Variants in CSNK2A2IP observed in about 807,000 individuals in gnomAD.
The protein encoded by CSNK2A2IP is casein kinase II subunit alpha'-interacting protein.
chr3:88,369,298 A>T, the CSNK2A2IP span, among the ~76,000 whole-genome samples: 205 of 151,998 alleles, frequency 1.3e-3, 1 homozygote, highest in African/African-American at 4.6e-3. Context: ...GGAAAAATAA[A>T]TTTTTGGATT....
chr3:88,364,621 T>C, the CSNK2A2IP span, among the ~76,000 whole-genome samples: 1 of 152,082 alleles, frequency 6.6e-6, no homozygotes, highest in Non-Finnish European at 1.5e-5. Flanking sequence ...TTAGAGATAT[T>C]GTTGATTGAT....
At chr3:88,416,093 A>C in the CSNK2A2IP span, among the ~76,000 whole-genome samples, 1 of 151,774 alleles carries the variant, frequency 6.6e-6, no homozygotes, top group Non-Finnish European at 1.5e-5. Flanking sequence ...CAACATGGTG[A>C]AATCCCGTCT....
chr3:88,449,854 CAT>C, the CSNK2A2IP span, among the ~76,000 whole-genome samples: 221 of 84,332 alleles, frequency 2.6e-3, 5 homozygotes, highest in East Asian at 0.015. Flanking sequence ...CACACACACA[CAT>C]ATATATATAT....
the CSNK2A2IP span, among the ~76,000 whole-genome samples, chr3:88,424,091 G>A: frequency 6.6e-6 from 1 of 152,046 alleles, no homozygotes. Flanking sequence ...GATATTCAGG[G>A]AATCTCAACT....
At chr3:88,428,486 C>G in the CSNK2A2IP span, among the ~76,000 whole-genome samples, 1 of 152,086 alleles carries the variant, frequency 6.6e-6, no homozygotes, top group Non-Finnish European at 1.5e-5. Flanking sequence ...TGTGTCCCCA[C>G]CCAGATCTTA....
chr3:88,419,967 C>A, the CSNK2A2IP span, among the ~76,000 whole-genome samples: 12 of 152,116 alleles, frequency 7.9e-5, no homozygotes, highest in African/African-American at 2.7e-4. Context: ...AGGAAAAAAA[C>A]CAATACATTC....
At chr3:88,450,806 T>C in the CSNK2A2IP span, among the ~76,000 whole-genome samples, 1 of 152,174 alleles carries the variant, frequency 6.6e-6, no homozygotes, top group Admixed American at 6.6e-5. Flanking sequence ...AATGCTGCAA[T>C]GAACATAAGC....
chr3:88,349,261 G>A, the CSNK2A2IP span, among the ~76,000 whole-genome samples: 1 of 151,860 alleles, frequency 6.6e-6, no homozygotes, highest in Non-Finnish European at 1.5e-5. Context: ...TACTCAATAT[G>A]TTGTCTTTTG....
chr3:88,366,583 A>G, the CSNK2A2IP span, among the ~76,000 whole-genome samples: 1 of 152,136 alleles, frequency 6.6e-6, no homozygotes, highest in Non-Finnish European at 1.5e-5. Context: ...CAGAGAATGG[A>G]TACATATAGG....
the CSNK2A2IP span, among the ~76,000 whole-genome samples, chr3:88,388,408 T>A: frequency 3.3e-5 from 5 of 152,216 alleles, no homozygotes; most frequent in Non-Finnish European, 4.4e-5. Flanking sequence ...AGCTTCAATA[T>A]ATAAAAGCTT....
chr3:88,345,017 G>C, the CSNK2A2IP span, among the ~76,000 whole-genome samples: 6 of 152,088 alleles, frequency 3.9e-5, no homozygotes, highest in East Asian at 9.6e-4. Flanking sequence ...CATTTCCTCT[G>C]ATTAATTATA....
the CSNK2A2IP span, among the ~76,000 whole-genome samples, chr3:88,440,389 A>G: frequency 1.3e-5 from 2 of 152,270 alleles, no homozygotes; most frequent in Admixed American, 1.3e-4. Context: ...TAATACATAT[A>G]TTGAATATAA....
the CSNK2A2IP span, among the ~76,000 whole-genome samples, chr3:88,418,464 G>GTGTGCGCA: frequency 2.7e-5 from 1 of 36,822 alleles, no homozygotes; most frequent in African/African-American, 9.6e-5. Flanking sequence ...GTGTGTGTGT[G>GTGTGCGCA]CGCGCGGGCG....
the CSNK2A2IP span, among the ~76,000 whole-genome samples, chr3:88,418,912 G>A: frequency 5.3e-5 from 8 of 152,250 alleles, no homozygotes; most frequent in South Asian, 1.2e-3. Flanking sequence ...CATGGCTCAC[G>A]TTACCACCTG....
At chr3:88,424,809 C>CT in the CSNK2A2IP span, among the ~76,000 whole-genome samples, 68,405 of 151,086 alleles carry the variant, frequency 0.45, 15,834 homozygotes, top group East Asian at 0.57. Context: ...TTTAACAAAG[C>CT]TTTTTTTTTC....
chr3:88,347,797 T>A, the CSNK2A2IP span, among the ~76,000 whole-genome samples: 1 of 152,008 alleles, frequency 6.6e-6, no homozygotes, highest in Admixed American at 6.6e-5. Flanking sequence ...GTTTTGTATA[T>A]CTTCTATCCT....
chr3:88,405,343 T>C, the CSNK2A2IP span, among the ~76,000 whole-genome samples: 1 of 152,178 alleles, frequency 6.6e-6, no homozygotes, highest in African/African-American at 2.4e-5. Context: ...CTGATCTGTG[T>C]ATCAAGAGGT....
chr3:88,449,296 G>A, the CSNK2A2IP span, among the ~76,000 whole-genome samples: 5 of 152,168 alleles, frequency 3.3e-5, no homozygotes, highest in South Asian at 2.1e-4. Flanking sequence ...ATATATGTTA[G>A]CATGTTATTT....
At chr3:88,379,963 T>C in the CSNK2A2IP span, among the ~76,000 whole-genome samples, 6 of 152,184 alleles carry the variant, frequency 3.9e-5, no homozygotes, top group Non-Finnish European at 8.8e-5. Context: ...TCATTTATTA[T>C]GGCCACTATA....
Sources: gnomAD v4.1 joint callset for allele counts (sites outside exome capture counted in the v4.1 genomes callset) on GRCh38, gnomAD v4.1.1 for gene constraint, MANE v1.5 for transcripts, NCBI Gene and HGNC (gene_info 2026-07-23, HGNC 2026-07-21) for gene names.